CIP2A: variants seen among roughly 807,000 people sequenced by gnomAD.
CIP2A encodes cellular inhibitor of PP2A, also known as protein CIP2A.
CIP2A carries 103 observed loss-of-function variants against 110.9 expected under a neutral mutation model. The observed-to-expected ratio is 0.93, with a 90% CI of 0.79 to 1.09. The LOEUF is 1.09. CIP2A is among the 50% of genes least tolerant of loss of function. The probability of loss-of-function intolerance (pLI) is 0.00; values close to 1 mark genes in which losing one functional copy is unlikely to be tolerated. For synonymous variants in CIP2A, 381 were observed against 361.6 expected, an observed-to-expected ratio of 1.05 and a Z score of -0.61; for missense variants, 1,088 against 1,038.4, an observed-to-expected ratio of 1.05 and a Z score of -0.66.
At chr3:108,579,207 A>G (rs1938779081) in intron 7 of CIP2A, 74 bp downstream of exon 7, 1 of 1,123,794 alleles carries the variant, frequency 8.9e-7, no homozygotes, top group Non-Finnish European at 1.3e-6. Flanking sequence ...TTTTAAGAAG[A>G]CAATTCTGTT....
At chr3:108,577,741 A>T (rs986291985) in intron 7 of CIP2A, among the ~76,000 whole-genome samples, 2 of 152,138 alleles carry the variant, frequency 1.3e-5, no homozygotes, top group Admixed American at 1.3e-4. Context: ...TCTACTAAAA[A>T]TACAAAAATT....
intron 10 of CIP2A, 43 bp from the exon 11 acceptor site, chr3:108,566,681 A>G: frequency 1.5e-6 from 2 of 1,305,008 alleles, no homozygotes; most frequent in Non-Finnish European, 2.1e-6. Flanking sequence ...TTCTCACTTT[A>G]TGTGTAAAAG....
chr3:108,556,312 T>C (rs1390264715), intron 17 of CIP2A, among the ~76,000 whole-genome samples: 1 of 152,156 alleles, frequency 6.6e-6, no homozygotes, highest in East Asian at 1.9e-4. Context: ...AATAAACAAG[T>C]TCCCCCAGAG....
Position 108,554,448 on chromosome 3 carries a change from G to A in CIP2A, c.2252C>T (p.Thr751Ile). The change falls in exon 18 of 21, where the codon ACA (threonine) becomes ATA (isoleucine). Residue 751 changes from threonine (T) to isoleucine (I), a missense_variant. Transcript: ENST00000295746. ...AATTTGTTTATTCAGAGAATCACAT[G>A]TGATCTGTAAATCTTTATTCTTCTT... ...TEKKNKDLQI[T>I]CDSLNKQIET... 2.6e-6 allele frequency: 4 copies of A among 1,551,410 alleles called. No individual in the cohort carries two copies. The highest frequency in any genetic ancestry group is 1.2e-5 in the South Asian group (1 of 86,918).
At chr3:108,551,440 T>C (rs1488728096) in intron 20 of CIP2A, 121 bp from the exon 21 acceptor site, 7 of 597,428 alleles carry the variant, frequency 1.2e-5, no homozygotes, top group South Asian at 4.0e-5. Context: ...TTTCAAGACA[T>C]ACTATAAATA....
At chr3:108,565,314 A>G in intron 12 of CIP2A, 41 bp downstream of exon 12, 1 of 945,924 alleles carries the variant, frequency 1.1e-6, no homozygotes, top group Non-Finnish European at 1.7e-6. Flanking sequence ...AGGACCATTT[A>G]TGTATGAATA....
rs1358692474 is a variant in CIP2A at position 108,557,290 on chromosome 3, T to A, written c.2138A>T (p.His713Leu). The change falls in exon 17 of 21, where the codon CAT (histidine) becomes CTT (leucine). Residue 713 changes from histidine to leucine, a missense_variant. Physicochemically the swap from His to Leu is moderately conservative, Grantham distance 99. Coordinates refer to ENST00000295746, the MANE Select transcript of CIP2A (RefSeq NM_020890.3). ...AQSDIEHLFQ[H>L]NRKLESVAEE... ...AGCCACAGACTCTAACTTCCTATTA[T>A]GTTGAAAGAGATGCTCAATATCACT... 6.2e-7 allele frequency: 1 copy of A among 1,611,476 alleles called. No individual in the cohort carries two copies. Among genetic ancestry groups the A allele is most frequent in the East Asian group, 2.2e-5 (1 of 44,854 alleles).
intron 3 of CIP2A, among the ~76,000 whole-genome samples, 168 bp downstream of exon 3, chr3:108,582,809 C>T (rs1332371550): frequency 1.3e-5 from 2 of 152,156 alleles, no homozygotes; most frequent in African/African-American, 4.8e-5. Context: ...TCTCTAGAAA[C>T]ATTTAAATTG....
Position 108,585,057 on chromosome 3 carries a change from T to C in CIP2A, c.250+8A>G. ...CAAAAACTAAAAAGGAGAAATTAAA[T>C]GCATTACCTAGTTGAGACAGCAAAC... On this transcript the variant is annotated splice_region_variant and intron_variant, in intron 2 of 20. Coordinates refer to ENST00000295746, the MANE Select transcript of CIP2A (RefSeq NM_020890.3). 6.3e-7 allele frequency: 1 copy of C among 1,598,364 alleles called. No individual in the cohort carries two copies. Among genetic ancestry groups the C allele is most frequent in the South Asian group, 1.1e-5 (1 of 88,198 alleles).
At chr3:108,560,307 G>A (rs1366985869) in intron 14 of CIP2A, among the ~76,000 whole-genome samples, 1 of 151,988 alleles carries the variant, frequency 6.6e-6, no homozygotes, top group Non-Finnish European at 1.5e-5. Flanking sequence ...GAGTAGCTGA[G>A]ACAACAGGCA....
Position 108,576,352 on chromosome 3 carries a change from T to C in CIP2A, c.819-6A>G. The C allele has an allele frequency of 6.9e-7, 1 of 1,455,780 alleles. No individual in the cohort carries two copies. 90.2% of individuals were successfully genotyped at this position (1,455,780 alleles called of 1,614,324 possible). On this transcript the variant is annotated splice_region_variant and splice_polypyrimidine_tract_variant and intron_variant, in intron 7 of 20. Coordinates refer to ENST00000295746, the MANE Select transcript of CIP2A (RefSeq NM_020890.3). ...ATGAAGAAAAGTGCTCATATCTAGG[T>C]TTAGAATAAAAATATACATCAAATG...
intron 10 of CIP2A, 22 bp from the exon 11 acceptor site, chr3:108,566,660 C>CA: frequency 2.0e-6 from 3 of 1,501,520 alleles, no homozygotes; most frequent in Non-Finnish European, 1.8e-6. Context: ...TTAAGATATA[C>CA]AACAAAAAAA....
chr3:108,560,905 T>A (rs1937986715), intron 13 of CIP2A, 64 bp from the exon 14 acceptor site: 2 of 1,173,990 alleles, frequency 1.7e-6, no homozygotes, highest in South Asian at 4.0e-5. Flanking sequence ...GCAGACTTAG[T>A]GCAGAATTAG....
Position 108,560,731 on chromosome 3 carries a change from T to A in CIP2A, c.1745A>T (p.Lys582Met), listed in dbSNP as rs147916833. The A allele has an allele frequency of 1.5e-4, 236 of 1,612,390 alleles. No individual in the cohort carries two copies. The East Asian group carries it at 4.7e-3, about 32-fold the overall frequency. The stretch of plus-strand genomic sequence containing the variant: ...ATCTTTCAAATGAGGAGTTAAACAC[T>A]TTATTGATGTTGGAAAACTGTGATT... ...SSNHSFPTSI[K>M]CLTPHLKDGV... Residue 582 changes from lysine (K) to methionine (M), a missense_variant, in exon 14 of 21, where the codon AAG (lysine) becomes ATG (methionine). Transcript: ENST00000295746.
chr3:108,576,226 T>G (rs775661211), intron 8 of CIP2A, 45 bp downstream of exon 8: 2 of 1,229,342 alleles, frequency 1.6e-6, no homozygotes, highest in Non-Finnish European at 2.3e-6. Context: ...TTTCGGCATT[T>G]TGCAGTTTTT....
intron 11 of CIP2A, among the ~76,000 whole-genome samples, chr3:108,565,668 T>C (rs1271961992): frequency 2.0e-5 from 3 of 151,868 alleles, no homozygotes; most frequent in Non-Finnish European, 4.4e-5. Flanking sequence ...AGCCTTAGTT[T>C]AGACAGTGTT....
rs1052329203 is a variant in CIP2A at position 108,557,363 on chromosome 3, G to T, written c.2065C>A (p.Leu689Ile). ...LREVERKNEE[L>I]SVLLKAQQVE... is the part of the protein sequence containing the mutation. ...TGCTGCGCCTTCAGCAACACACTAA[G>T]CTCTTCATTTTTTCTCTCAACTTCT... Residue 689 changes from leucine (L) to isoleucine (I), a missense_variant, in exon 17 of 21, where the codon CTT becomes ATT. By Grantham distance (5) the Leu-to-Ile change is conservative. Transcript: ENST00000295746. The T allele has an allele frequency of 5.0e-6, 8 of 1,608,998 alleles. No individual in the cohort carries two copies. The African/African-American group carries it at 1.1e-4, about 22-fold the overall frequency.
Position 108,569,607 on chromosome 3 carries a change from C to T in CIP2A, c.895G>A (p.Val299Ile), listed in dbSNP as rs1196244159. Residue 299 changes from valine (V) to isoleucine (I), a missense_variant and splice_region_variant, in exon 9 of 21, where the codon GTT becomes ATT. By Grantham distance (29) the Val-to-Ile change is conservative. Coordinates refer to ENST00000295746, the MANE Select transcript of CIP2A (RefSeq NM_020890.3). ...NGKDPDSSSK[V>I]LELLLAFCSV... ...CAGAAGGCAAGAAGTAATTCTAAAACCTGTGCAATATAAAGTGTTCATTAA... is the reference window on the plus strand; with the variant it reads ...CAGAAGGCAAGAAGTAATTCTAAAATCTGTGCAATATAAAGTGTTCATTAA... The T allele has an allele frequency of 7.5e-6, 12 of 1,608,846 alleles. No homozygotes were observed. Among genetic ancestry groups the T allele is most frequent in the Non-Finnish European group, 1.0e-5 (12 of 1,176,428 alleles).
At chr3:108,587,055 G>T (rs890363723) in intron 1 of CIP2A, among the ~76,000 whole-genome samples, 3 of 152,138 alleles carry the variant, frequency 2.0e-5, no homozygotes. Context: ...GGTTGGTGTG[G>T]ATAAGTGATG....
Sources: allele counts gnomAD v4.1 joint callset (sites outside exome capture counted in the v4.1 genomes callset), GRCh38; gene constraint gnomAD v4.1.1; transcripts MANE v1.5; gene names NCBI Gene and HGNC (gene_info 2026-07-23, HGNC 2026-07-21).